KIFC3: variants seen among roughly 807,000 people sequenced by gnomAD.
KIFC3 encodes kinesin family member C3.
In KIFC3, 60 loss-of-function variants were observed where a neutral mutation model predicts 101.8. The ratio of observed to expected loss-of-function variants is 0.59; its 90% CI spans 0.48 to 0.73. KIFC3 has a LOEUF of 0.73. Among genes scored for constraint, KIFC3 ranks in the 30% least tolerant of loss-of-function variants. The pLI is 0.00. For synonymous variants in KIFC3, 476 were observed against 482.7 expected, an observed-to-expected ratio of 0.99 and a Z score of 0.18; for missense variants, 966 against 1,137.1, an observed-to-expected ratio of 0.85 and a Z score of 2.16.
intron 1 of KIFC3, among the ~76,000 whole-genome samples, chr16:57,840,755 T>C (rs1162944632): frequency 2.0e-4 from 28 of 138,882 alleles, no homozygotes; most frequent in African/African-American, 7.3e-4. Context: ...AGCGAAACTC[T>C]GTCTCAAAAA....
At chr16:57,841,762 C>T (rs1343607445) in intron 1 of KIFC3, among the ~76,000 whole-genome samples, 5 of 152,168 alleles carry the variant, frequency 3.3e-5, no homozygotes, top group Admixed American at 2.6e-4. Flanking sequence ...CTCTCAAATG[C>T]GCGTTGCCCT....
rs2050390624 is a variant in KIFC3 at position 57,765,534 on chromosome 16, G to A, written c.1437C>T (p.Ile479=). 1.3e-6 allele frequency: 2 copies of A among 1,597,210 alleles called. No individual in the cohort carries two copies. Among genetic ancestry groups the A allele is most frequent in the Non-Finnish European group, 1.7e-6 (2 of 1,171,284 alleles). Reference sequence around the variant, plus strand: ...CAGGCTTGCCCTTGTGCAGCAGGTGGATGATGGAGTCGTCGTCGGCATCGA... The same window carrying A: ...CAGGCTTGCCCTTGTGCAGCAGGTGAATGATGGAGTCGTCGTCGGCATCGA... ...VTFDADDDSI[I]HLLHKGKPVS... The change falls in exon 11 of 20, where the codon ATC becomes ATT. Residue 479 remains isoleucine, a synonymous_variant. Coordinates refer to ENST00000445690, the MANE Select transcript of KIFC3 (RefSeq NM_001130100.2).
chr16:57,856,252 G>A (rs1002129644), intron 1 of KIFC3, among the ~76,000 whole-genome samples: 2 of 152,080 alleles, frequency 1.3e-5, no homozygotes, highest in African/African-American at 4.8e-5. Flanking sequence ...AAGCCAGAAT[G>A]GATGAATTGC....
At chr16:57,781,272 G>A (rs2052704947) in intron 3 of KIFC3, among the ~76,000 whole-genome samples, 2 of 152,100 alleles carry the variant, frequency 1.3e-5, no homozygotes, top group Admixed American at 6.5e-5. Context: ...CTGTGATCAC[G>A]CCCCTGCACT....
chr16:57,779,377 A>G (rs1437510602), intron 3 of KIFC3: 2 of 152,238 alleles, frequency 1.3e-5, no homozygotes, highest in Non-Finnish European at 2.9e-5. Context: ...AGTCAAACCC[A>G]CGGAGACAGA....
chr16:57,803,298 C>G, upstream of KIFC3: 1 of 691,522 alleles, frequency 1.4e-6, no homozygotes, highest in Non-Finnish European at 2.6e-6. Flanking sequence ...AGACAGCTGA[C>G]CTGGAGGAGC....
intron 1 of KIFC3, among the ~76,000 whole-genome samples, chr16:57,829,756 G>A (rs782520452): frequency 5.3e-5 from 8 of 152,100 alleles, no homozygotes; most frequent in Non-Finnish European, 8.8e-5. Flanking sequence ...GTAATCTCAC[G>A]GAGCTGCAGA....
chr16:57,841,152 G>C (rs533911488), intron 1 of KIFC3, among the ~76,000 whole-genome samples: 2 of 152,232 alleles, frequency 1.3e-5, no homozygotes, highest in Non-Finnish European at 2.9e-5. Context: ...GAGTGTGATA[G>C]AGGACCGTAA....
chr16:57,759,285 TGGAGCCCTGGGTCCC>T (rs2049517061), intron 18 of KIFC3, 132 bp from the exon 19 acceptor site: 1 of 1,099,216 alleles, frequency 9.1e-7, no homozygotes. Flanking sequence ...AAACAGGGGC[TGGAGCCCTGGGTCCC>T]GGTCCTGTGG....
intron 1 of KIFC3, among the ~76,000 whole-genome samples, chr16:57,800,641 T>A (rs561844094): frequency 6.6e-6 from 1 of 152,160 alleles, no homozygotes; most frequent in South Asian, 2.1e-4. Context: ...GGAGATAGCG[T>A]TTCTGCGGTT....
At chr16:57,815,276 T>G (rs1446114823) in intron 1 of KIFC3, 1 of 300,064 alleles carries the variant, frequency 3.3e-6, no homozygotes, top group African/African-American at 2.3e-5. Flanking sequence ...CCCAAGGCTG[T>G]GGGGGTCCTG....
At chr16:57,786,718 T>C (rs1555617906) in intron 3 of KIFC3, among the ~76,000 whole-genome samples, 1 of 151,876 alleles carries the variant, frequency 6.6e-6, no homozygotes, top group Admixed American at 6.6e-5. Flanking sequence ...CAGGCTGGGG[T>C]TGGGGGGATC....
chr16:57,760,604 G>A, intron 16 of KIFC3, 122 bp downstream of exon 16: 1 of 1,077,474 alleles, frequency 9.3e-7, no homozygotes, highest in Non-Finnish European at 1.4e-6. Flanking sequence ...AGTTACACAG[G>A]GTGTGTGTGG....
At chr16:57,838,830 G>A (rs1468648065) in intron 1 of KIFC3, among the ~76,000 whole-genome samples, 1 of 152,010 alleles carries the variant, frequency 6.6e-6, no homozygotes, top group Non-Finnish European at 1.5e-5. Context: ...ATAAAAATCT[G>A]TGGCGTCTCT....
intron 2 of KIFC3, chr16:57,797,636 G>A (rs148510861): frequency 3.4e-5 from 36 of 1,047,574 alleles, no homozygotes; most frequent in Middle Eastern, 4.5e-4. Context: ...TCCCAACGCC[G>A]TCCAGGGGCC....
chr16:57,775,938 T>C (rs2052005523), intron 3 of KIFC3: 2 of 985,438 alleles, frequency 2.0e-6, no homozygotes, highest in Admixed American at 6.1e-5. Flanking sequence ...GGCGTCACCC[T>C]GCCTGCTCAA....
chr16:57,802,617 GCCCGGGC>G, upstream of KIFC3: 2 of 1,039,092 alleles, frequency 1.9e-6, no homozygotes, highest in African/African-American at 3.4e-5. The surrounding 1 kb of genome is among the most constrained non-coding windows in gnomAD (Gnocchi z 5.0). Context: ...GCACGCGTCA[GCCCGGGC>G]GCGCCCCCGC....
chr16:57,802,011 G>A lies in KIFC3; in HGVS notation c.-40+359C>T, dbSNP rs1257446237. On this transcript the variant is annotated intron_variant, in intron 1 of 19. Coordinates refer to ENST00000445690, the MANE Select transcript of KIFC3 (RefSeq NM_001130100.2). The surrounding 1 kb of genome is among the most constrained non-coding windows in gnomAD (Gnocchi z 5.0). ...CAAAGGCAGCCTTCCAGGGAGCCCT[G>A]GGGGTGGGGAAGACGCCAGGAAGGG... Among the ~76,000 whole-genome samples, 1 of 152,242 alleles carries A rather than the reference G, an allele frequency of 6.6e-6. No homozygotes were observed. Among genetic ancestry groups the A allele is most frequent in the African/African-American group, 2.4e-5 (1 of 41,480 alleles).
chr16:57,771,441 C>A lies in KIFC3; in HGVS notation c.526-4G>T. The stretch of plus-strand genomic sequence containing the variant: ...TGTCACGGAGCTGGGCGCTCTCCTG[C>A]AGCCATTGGGAGGCACTGGATGAGT... On this transcript the variant is annotated splice_region_variant and splice_polypyrimidine_tract_variant and intron_variant, in intron 5 of 19. Coordinates refer to ENST00000445690, the MANE Select transcript of KIFC3 (RefSeq NM_001130100.2). 6.2e-7 allele frequency: 1 copy of A among 1,613,518 alleles called. No individual in the cohort carries two copies. The highest frequency in any genetic ancestry group is 1.1e-5 in the South Asian group (1 of 91,090).
Sources: gnomAD v4.1 joint callset for allele counts (sites outside exome capture counted in the v4.1 genomes callset) on GRCh38, gnomAD v4.1.1 for gene constraint, Gnocchi (gnomAD v3.1) non-coding constraint, MANE v1.5 for transcripts, NCBI Gene and HGNC (gene_info 2026-07-23, HGNC 2026-07-21) for gene names.